MAP4: variants seen among roughly 807,000 people sequenced by gnomAD.
MAP4 encodes the protein microtubule-associated protein 4.
Under a neutral mutation model 170.2 loss-of-function variants are expected in MAP4, and 76 were observed. The ratio of observed to expected loss-of-function variants is 0.45; its 90% CI spans 0.37 to 0.54. The LOEUF (loss-of-function observed/expected upper bound fraction) is 0.54. Ranked by LOEUF, MAP4 falls within the 20% of genes least tolerant of loss-of-function variation. MAP4 has a pLI of 0.00. For synonymous variants in MAP4, 909 were observed against 994.5 expected (o/e 0.91, Z 1.62); for missense variants, 2,506 against 2,748.0 (o/e 0.91, Z 1.97).
chr3:47,927,459 T>TTTTGTTTG lies in MAP4; in HGVS notation c.415+761_415+768dup, dbSNP rs555223887. ...TAGCTCTGGGCTACTACAGATAGGC[T>TTTTGTTTG]TTTGTTTGTTTGTTTGTTTGTTTGT... On this transcript the variant is annotated intron_variant, in intron 4 of 20. Coordinates refer to ENST00000683076, the MANE Select transcript of MAP4 (RefSeq NM_001385682.1). Among the ~76,000 whole-genome samples, 18 of 152,046 alleles carry TTTTGTTTG rather than the reference T, an allele frequency of 1.2e-4. No homozygotes were observed. In the South Asian group the frequency reaches 2.5e-3, roughly 21 times the overall value.
intron 12 of MAP4, among the ~76,000 whole-genome samples, chr3:47,873,757 A>C (rs1217275332): frequency 1.3e-5 from 2 of 152,236 alleles, no homozygotes; most frequent in Non-Finnish European, 2.9e-5. Context: ...TTTTAAGACT[A>C]TGACTATTAT....
At chr3:47,880,251 C>G (rs2152592939) in intron 10 of MAP4, among the ~76,000 whole-genome samples, 1 of 147,968 alleles carries the variant, frequency 6.8e-6, no homozygotes, top group African/African-American at 2.5e-5. Context: ...CGCCACCACA[C>G]CTGGCTAATT....
intron 1 of MAP4, among the ~76,000 whole-genome samples, chr3:48,033,870 T>C (rs1201487466): frequency 6.6e-6 from 1 of 152,204 alleles, no homozygotes; most frequent in Non-Finnish European, 1.5e-5. Context: ...CCCAAAGTGC[T>C]GGGATTACAG....
At chr3:47,957,351 AG>A (rs2154143944) in intron 3 of MAP4, among the ~76,000 whole-genome samples, 1 of 151,892 alleles carries the variant, frequency 6.6e-6, no homozygotes, top group African/African-American at 2.4e-5. Context: ...TTGAATTTTT[AG>A]TAGAGATGGG....
Position 47,859,820 on chromosome 3 carries a change from A to C in MAP4, c.6502-2308T>G, listed in dbSNP as rs1486725434. Among the ~76,000 whole-genome samples, 5 of 152,220 alleles carry C rather than the reference A, an allele frequency of 3.3e-5. 1 individual carries two copies. The highest frequency in any genetic ancestry group is 7.3e-5 in the Non-Finnish European group (5 of 68,038). On this transcript the variant is annotated intron_variant, in intron 17 of 20. Coordinates refer to ENST00000683076, the MANE Select transcript of MAP4 (RefSeq NM_001385682.1). Reference sequence around the variant, plus strand: ...CTCCTCAATCTATAGTTCATTATACAGATATTTATAGGCATCTCCAAAATG... The same window carrying C: ...CTCCTCAATCTATAGTTCATTATACCGATATTTATAGGCATCTCCAAAATG...
Position 47,921,684 on chromosome 3 carries a change from C to A in MAP4, c.529+81G>T, listed in dbSNP as rs2100042935. On this transcript the variant is annotated intron_variant, in intron 5 of 20. Transcript: ENST00000683076. The stretch of plus-strand genomic sequence containing the variant: ...TTCTTGTTAATCTTTTGTCACAGAG[C>A]CCTAGTCAGTGAACCAAAGATGAGT... 6.6e-6 allele frequency: 5 copies of A among 754,206 alleles called. No individual in the cohort carries two copies. In the Admixed American group the frequency reaches 1.0e-4, roughly 15 times the overall value. The allele number at this position is 754,206 out of a possible 1,614,324, so 46.7% of individuals were successfully genotyped here. A position where few individuals can be genotyped will look rare whatever the true frequency, so the allele number is the denominator to read the frequency against.
intron 6 of MAP4, among the ~76,000 whole-genome samples, chr3:47,918,508 A>G (rs34422388): frequency 6.6e-6 from 1 of 152,188 alleles, no homozygotes; most frequent in African/African-American, 2.4e-5. Context: ...TAAAAAATTT[A>G]AAAAAAGTAT....
chr3:47,969,089 T>C (rs776418925), intron 3 of MAP4, among the ~76,000 whole-genome samples: 1 of 152,220 alleles, frequency 6.6e-6, no homozygotes, highest in Non-Finnish European at 1.5e-5. Flanking sequence ...TGGCTATCTC[T>C]ATAGTTTCTA....
In MAP4 at chr3:47,922,303, C is replaced by A. The variant is rs552630714; in HGVS notation, c.416-425G>T. 3.3e-5 allele frequency among the ~76,000 whole-genome samples: 5 copies of A among 152,178 alleles called. No homozygotes were observed. The South Asian group carries it at 6.2e-4, about 19-fold the overall frequency. On this transcript the variant is annotated intron_variant, in intron 4 of 20. Coordinates refer to ENST00000683076, the MANE Select transcript of MAP4 (RefSeq NM_001385682.1). Reference sequence around the variant, plus strand: ...AGATGAGTTGTCAATAGTAAGTAAACCGAAATCATATGTGACTGCACATGG... The same window carrying A: ...AGATGAGTTGTCAATAGTAAGTAAAACGAAATCATATGTGACTGCACATGG...
chr3:47,954,025 A>C (rs895195494), intron 3 of MAP4, among the ~76,000 whole-genome samples: 6 of 151,886 alleles, frequency 4.0e-5, no homozygotes, highest in East Asian at 1.9e-4. Context: ...AAAAAACAAA[A>C]AAAAAAACAA....
chr3:47,997,393 T>C (rs748665569), intron 2 of MAP4, among the ~76,000 whole-genome samples: 7 of 136,496 alleles, frequency 5.1e-5, no homozygotes, highest in Non-Finnish European at 1.1e-4. Flanking sequence ...AAAGGAAATA[T>C]TTTTAAATAT....
At chr3:48,073,480 A>G (rs1271855535) in intron 1 of MAP4, among the ~76,000 whole-genome samples, 1 of 151,838 alleles carries the variant, frequency 6.6e-6, no homozygotes, top group East Asian at 1.9e-4. Flanking sequence ...GCATGGTGGC[A>G]CATGCCTGTA....
upstream of MAP4, among the ~76,000 whole-genome samples, chr3:48,021,170 T>C (rs1036877342): frequency 2.0e-5 from 3 of 152,136 alleles, no homozygotes; most frequent in African/African-American, 7.2e-5. Flanking sequence ...TCCCCCTTGT[T>C]AGGAAGGTGT....
intron 10 of MAP4, among the ~76,000 whole-genome samples, chr3:47,880,691 G>T (rs530774570): frequency 1.3e-5 from 2 of 152,060 alleles, no homozygotes; most frequent in South Asian, 4.2e-4. Context: ...CAAACTGACC[G>T]GTCTCAAGCA....
chr3:47,973,137 G>C (rs1409504649), intron 3 of MAP4: 7 of 982,944 alleles, frequency 7.1e-6, no homozygotes, highest in Non-Finnish European at 8.5e-6. Context: ...AATCACATTA[G>C]AAGTCCCAAT....
At chr3:47,974,131 A>G in intron 3 of MAP4, 1 of 985,124 alleles carries the variant, frequency 1.0e-6, no homozygotes, top group Non-Finnish European at 1.2e-6. Context: ...GGGATCTAAA[A>G]CAATGTATAT....
intron 1 of MAP4, among the ~76,000 whole-genome samples, chr3:48,051,691 T>A (rs1032572792): frequency 2.0e-5 from 3 of 152,174 alleles, no homozygotes; most frequent in Admixed American, 6.5e-5. Context: ...CACATAATCA[T>A]GTTCATTCAA....
intron 8 of MAP4, among the ~76,000 whole-genome samples, chr3:47,914,025 G>A (rs1283581632): frequency 6.6e-6 from 1 of 152,106 alleles, no homozygotes; most frequent in East Asian, 1.9e-4. Context: ...TAATTACAAA[G>A]GCCTAAGGTA....
At chr3:48,087,692 GAC>G (rs2100149832) in intron 1 of MAP4, among the ~76,000 whole-genome samples, 1 of 151,658 alleles carries the variant, frequency 6.6e-6, no homozygotes. Context: ...ATGGGCGGGA[GAC>G]GCGCGCGCGC....
Sources: allele counts gnomAD v4.1 joint callset (sites outside exome capture counted in the v4.1 genomes callset), GRCh38; gene constraint gnomAD v4.1.1; transcripts MANE v1.5; gene names NCBI Gene and HGNC (gene_info 2026-07-23, HGNC 2026-07-21).